Variants in FRMD4A observed in about 807,000 individuals in gnomAD.
FRMD4A encodes FERM domain containing 4A, also known as FERM domain-containing protein 4A.
Under a neutral mutation model 129.1 loss-of-function variants are expected in FRMD4A, and 29 were observed. The observed-to-expected ratio is 0.22, with a 90% confidence interval of 0.17 to 0.31. The LOEUF is 0.31. FRMD4A is among the 10% of genes least tolerant of loss of function. The probability of loss-of-function intolerance (pLI) is 1.00; values close to 1 mark genes in which losing one functional copy is unlikely to be tolerated. For missense variants in FRMD4A, 1,272 were observed against 1,375.8 expected (o/e 0.92, Z 1.19); for synonymous variants, 634 against 571.6 (o/e 1.11, Z -1.56).
intron 4 of FRMD4A, among the ~76,000 whole-genome samples, chr10:13,807,581 G>T (rs1304362731): frequency 1.3e-5 from 2 of 151,966 alleles, no homozygotes; most frequent in African/African-American, 4.8e-5. Context: ...AACATTCTTG[G>T]GCATAAGTTC....
Position 13,651,925 on chromosome 10 carries a change from G to A in FRMD4A, c.3100C>T (p.His1034Tyr). 6.3e-7 allele frequency: 1 copy of A among 1,587,430 alleles called. No individual in the cohort carries two copies. The highest frequency in any genetic ancestry group is 8.7e-7 in the Non-Finnish European group (1 of 1,155,506). The part of the protein sequence containing the change: ...PILDGSESPP[H>Y]QSTDE ...TACCTCTATTCATCAGTACTTTGGTGAGGTGGAGACTCAGACCCATCCAGA... is the reference window on the plus strand; with the variant it reads ...TACCTCTATTCATCAGTACTTTGGTAAGGTGGAGACTCAGACCCATCCAGA... The change falls in exon 24 of 25, where the codon CAC becomes TAC. Residue 1034 changes from histidine (H) to tyrosine (Y), a missense_variant. Transcript: ENST00000357447.
At chr10:14,162,004 C>T (rs2139916) in intron 2 of FRMD4A, among the ~76,000 whole-genome samples, 116,846 of 150,426 alleles carry the variant, frequency 0.78, 46,189 homozygotes, top group African/African-American at 0.93. Flanking sequence ...TATTAAATTA[C>T]TTTAAGTTAT....
intron 4 of FRMD4A, among the ~76,000 whole-genome samples, chr10:13,802,003 CAAAAAAAAAA>C: frequency 9.1e-6 from 1 of 109,512 alleles, no homozygotes; most frequent in Middle Eastern, 6.2e-3. Flanking sequence ...AATAATAATG[CAAAAAAAAAA>C]AAAAAAAAAG....
chr10:13,970,721 A>C (rs2095512729), intron 2 of FRMD4A, among the ~76,000 whole-genome samples: 1 of 152,088 alleles, frequency 6.6e-6, no homozygotes, highest in South Asian at 2.1e-4. Context: ...CTCCCCACGC[A>C]ATCTGGGTCC....
At chr10:14,104,851 C>A (rs539723948) in intron 2 of FRMD4A, among the ~76,000 whole-genome samples, 1 of 152,346 alleles carries the variant, frequency 6.6e-6, no homozygotes, top group African/African-American at 2.4e-5. Context: ...CCTAACAGAG[C>A]AGCTGCCTTT....
intron 2 of FRMD4A, among the ~76,000 whole-genome samples, chr10:13,905,768 C>G (rs528273184): frequency 6.6e-6 from 1 of 152,216 alleles, no homozygotes; most frequent in East Asian, 1.9e-4. Context: ...GATTTGTATC[C>G]AAGTCAATTT....
At chr10:13,778,289 T>G (rs540537250) in intron 6 of FRMD4A, among the ~76,000 whole-genome samples, 1 of 152,290 alleles carries the variant, frequency 6.6e-6, no homozygotes, top group Admixed American at 6.5e-5. Context: ...GTATTATTAT[T>G]TCCACTTTAT....
chr10:13,852,526 G>C (rs1450913734), intron 3 of FRMD4A, among the ~76,000 whole-genome samples: 1 of 152,022 alleles, frequency 6.6e-6, no homozygotes, highest in Non-Finnish European at 1.5e-5. Flanking sequence ...CCTGGACCAA[G>C]ATTTTAATTT....
intron 8 of FRMD4A, among the ~76,000 whole-genome samples, chr10:13,749,614 G>A (rs1037724602): frequency 2.6e-5 from 4 of 152,110 alleles, no homozygotes; most frequent in Admixed American, 6.5e-5. Context: ...AATACATTAC[G>A]TCTGTGTGTG....
intron 15 of FRMD4A, chr10:13,684,831 T>C: frequency 1.0e-6 from 1 of 973,764 alleles, no homozygotes; most frequent in Non-Finnish European, 1.2e-6. Flanking sequence ...GTTCTAGAAC[T>C]AAAGAAGGGA....
At chr10:14,251,659 G>C (rs532586414) in intron 2 of FRMD4A, among the ~76,000 whole-genome samples, 1 of 152,314 alleles carries the variant, frequency 6.6e-6, no homozygotes, top group Non-Finnish European at 1.5e-5. Flanking sequence ...GGAGTTCCAG[G>C]TGATATTAAG....
intron 2 of FRMD4A, among the ~76,000 whole-genome samples, chr10:14,270,828 G>A (rs1050620646): frequency 6.6e-6 from 1 of 152,136 alleles, no homozygotes; most frequent in Non-Finnish European, 1.5e-5. Context: ...TCTAAGTAAA[G>A]ACCAAATCAC....
chr10:14,199,045 T>C (rs1842554280), intron 2 of FRMD4A, among the ~76,000 whole-genome samples: 1 of 152,158 alleles, frequency 6.6e-6, no homozygotes, highest in African/African-American at 2.4e-5. Flanking sequence ...CCGTGTTTTC[T>C]CTTAAAATTA....
intron 2 of FRMD4A, among the ~76,000 whole-genome samples, chr10:14,016,352 ATGTT>A (rs2095699118): frequency 6.6e-6 from 1 of 152,182 alleles, no homozygotes; most frequent in African/African-American, 2.4e-5. Flanking sequence ...GGATGAAACA[ATGTT>A]TGTGAAAGTT....
chr10:14,233,094 CT>C (rs1843690078), intron 2 of FRMD4A, among the ~76,000 whole-genome samples: 1 of 152,174 alleles, frequency 6.6e-6, no homozygotes, highest in African/African-American at 2.4e-5. Context: ...GTTTCCTTAT[CT>C]GTAAGATGGG....
intron 2 of FRMD4A, among the ~76,000 whole-genome samples, chr10:14,241,169 C>A (rs1274891769): frequency 6.6e-6 from 1 of 152,112 alleles, no homozygotes; most frequent in Non-Finnish European, 1.5e-5. Flanking sequence ...AATAAAATAG[C>A]CTATGTTAAA....
At chr10:13,714,047 TA>T (rs1159585781) in intron 12 of FRMD4A, among the ~76,000 whole-genome samples, 2 of 27,072 alleles carry the variant, frequency 7.4e-5, no homozygotes, top group African/African-American at 2.5e-4. Flanking sequence ...TATATATATA[TA>T]TATATATATA....
At chr10:14,010,825 T>C (rs1264347818) in intron 2 of FRMD4A, among the ~76,000 whole-genome samples, 17 of 152,094 alleles carry the variant, frequency 1.1e-4, no homozygotes, top group Admixed American at 1.1e-3. Flanking sequence ...TTTCTTTCCA[T>C]TGTTAGAATA....
intron 2 of FRMD4A, among the ~76,000 whole-genome samples, chr10:14,001,712 T>C (rs1205510842): frequency 2.0e-5 from 3 of 152,204 alleles, no homozygotes; most frequent in African/African-American, 7.2e-5. Context: ...AACCAGAGAA[T>C]TGGAGTCCCC....
Sources: allele counts gnomAD v4.1 joint callset (sites outside exome capture counted in the v4.1 genomes callset), GRCh38; gene constraint gnomAD v4.1.1; transcripts MANE v1.5; gene names NCBI Gene and HGNC (gene_info 2026-07-23, HGNC 2026-07-21).